The following ITGA2 variants were observed in gnomAD, a reference collection of about 807,000 sequenced individuals.
The protein encoded by ITGA2 is integrin alpha-2.
ITGA2 carries 101 observed loss-of-function variants against 146.3 expected under a neutral mutation model. The ratio of observed to expected loss-of-function variants is 0.69; its 90% CI spans 0.59 to 0.81. The LOEUF (loss-of-function observed/expected upper bound fraction) is 0.81. Ranked by LOEUF, ITGA2 falls within the 40% of genes least tolerant of loss-of-function variation. The pLI, the probability that ITGA2 is intolerant of heterozygous loss-of-function variation, is 0.00. For missense variants in ITGA2, 1,281 were observed against 1,402.7 expected, an observed-to-expected ratio of 0.91 and a Z score of 1.39; for synonymous variants, 477 against 487.1, an observed-to-expected ratio of 0.98 and a Z score of 0.27.
At chr5:53,018,742 A>G (rs1742524148) in intron 1 of ITGA2, among the ~76,000 whole-genome samples, 1 of 152,144 alleles carries the variant, frequency 6.6e-6, no homozygotes, top group Non-Finnish European at 1.5e-5. Flanking sequence ...GGTCATGTCT[A>G]AAATTAGTGA....
intron 11 of ITGA2, among the ~76,000 whole-genome samples, chr5:53,060,376 T>C (rs574256971): frequency 9.4e-4 from 143 of 152,086 alleles, no homozygotes; most frequent in Middle Eastern, 3.4e-3. Context: ...TTTTGCAGAC[T>C]TACTATGGGA....
chr5:53,060,973 C>G lies in ITGA2; in HGVS notation c.1385C>G (p.Thr462Ser). Residue 462 changes from threonine (T) to serine (S), a missense_variant, in exon 12 of 30, where the codon ACC becomes AGC. Transcript: ENST00000296585. Reference sequence around the variant, plus strand: ...GCTGGTGCTCCTCGGGCAAATTATACCGGCCAGATAGTGCTATATAGTGTG... The same window carrying G: ...GCTGGTGCTCCTCGGGCAAATTATAGCGGCCAGATAGTGCTATATAGTGTG... Reference protein sequence around the residue: ...FVAGAPRANYTGQIVLYSVNE... With the variant: ...FVAGAPRANYSGQIVLYSVNE... 1 of 1,612,350 alleles carries G rather than the reference C, an allele frequency of 6.2e-7. No individual in the cohort carries two copies. Among genetic ancestry groups the G allele is most frequent in the Non-Finnish European group, 8.5e-7 (1 of 1,178,862 alleles).
In ITGA2 at chr5:53,058,996, G is replaced by A. The variant is rs75332757; in HGVS notation, c.1174-878G>A. On this transcript the variant is annotated intron_variant, in intron 10 of 29. Transcript: ENST00000296585. The stretch of plus-strand genomic sequence containing the variant: ...CTACAGTCATTCACATAACTTCATG[G>A]TCTCTTATCCTCAAAGTAGAACACA... Among the ~76,000 whole-genome samples, 296 of 152,018 alleles carry A rather than the reference G, an allele frequency of 1.9e-3. 1 individual carries two copies. The highest frequency in any genetic ancestry group is 3.1e-3 in the Non-Finnish European group (209 of 67,906).
rs749914508 is a variant in ITGA2 at position 53,072,727 on chromosome 5, G to A, written c.2429+32G>A. ...TTTACTTTAAAGCTTGTTGTAAAAT[G>A]TAGAAATAAAAGACATACTAGATTA... On this transcript the variant is annotated intron_variant, in intron 19 of 29. Transcript: ENST00000296585. 3.9e-6 allele frequency: 6 copies of A among 1,530,664 alleles called. No homozygotes were observed. The South Asian group carries it at 5.7e-5, about 14-fold the overall frequency. The allele number at this position is 1,530,664 out of a possible 1,614,324, so 94.8% of individuals were successfully genotyped here.
At position 53,058,126 on chromosome 5, in the gene ITGA2, C is replaced by A. The variant is rs775029370; in HGVS notation, c.1173+25C>A. The stretch of plus-strand genomic sequence containing the variant: ...TGTGCGTATATCAGATAGCTTCAAG[C>A]CATGTTGTCATTTGGCATAACACTT... On this transcript the variant is annotated intron_variant, in intron 10 of 29. Coordinates refer to ENST00000296585, the MANE Select transcript of ITGA2 (RefSeq NM_002203.4). 6 of 1,553,442 alleles carry A rather than the reference C, an allele frequency of 3.9e-6. No individual in the cohort carries two copies. The East Asian group carries it at 1.1e-4, about 29-fold the overall frequency.
chr5:53,022,205 T>C (rs1742719903), intron 1 of ITGA2, among the ~76,000 whole-genome samples: 1 of 74,972 alleles, frequency 1.3e-5, no homozygotes. Flanking sequence ...TGAGTTTCAC[T>C]GCATTTTTTT....
At chr5:52,999,560 C>T (rs1377738983) in intron 1 of ITGA2, among the ~76,000 whole-genome samples, 1 of 152,048 alleles carries the variant, frequency 6.6e-6, no homozygotes, top group Non-Finnish European at 1.5e-5. Flanking sequence ...CCTTTGCCCA[C>T]CAAGACACAG....
At chr5:53,089,857 T>G in intron 28 of ITGA2, 89 bp from the exon 29 acceptor site, 1 of 819,268 alleles carries the variant, frequency 1.2e-6, no homozygotes, top group Non-Finnish European at 2.2e-6. Context: ...GCTGTAGACC[T>G]TCACTTACAG....
chr5:53,059,684 C>G (rs1322648237), intron 10 of ITGA2, among the ~76,000 whole-genome samples, 190 bp from the exon 11 acceptor site: 14 of 151,898 alleles, frequency 9.2e-5, no homozygotes, highest in Non-Finnish European at 1.8e-4. Context: ...CAAAATAACA[C>G]AGCCAATGGG....
intron 14 of ITGA2, among the ~76,000 whole-genome samples, chr5:53,065,613 A>AT (rs1166571268): frequency 1.3e-5 from 2 of 151,940 alleles, no homozygotes; most frequent in East Asian, 1.9e-4. Context: ...CTGGTTTATG[A>AT]TTTTTTATTA....
intron 1 of ITGA2, among the ~76,000 whole-genome samples, chr5:53,017,251 GA>G (rs1253850554): frequency 6.6e-6 from 1 of 152,196 alleles, no homozygotes; most frequent in Non-Finnish European, 1.5e-5. Context: ...CTACTTTTTG[GA>G]TGGGTTGTTT....
At chr5:52,993,240 C>T (rs975022244) in intron 1 of ITGA2, among the ~76,000 whole-genome samples, 4 of 152,134 alleles carry the variant, frequency 2.6e-5, no homozygotes, top group Admixed American at 1.3e-4. Context: ...GGACTTAGGC[C>T]GCCCTCTGAT....
chr5:52,997,182 G>A (rs1741309322), intron 1 of ITGA2, among the ~76,000 whole-genome samples: 1 of 152,184 alleles, frequency 6.6e-6, no homozygotes, highest in South Asian at 2.1e-4. Flanking sequence ...TGTTGGGACA[G>A]TTAATGATTT....
At chr5:53,064,345 T>A (rs1258005812) in intron 13 of ITGA2, among the ~76,000 whole-genome samples, 1 of 151,934 alleles carries the variant, frequency 6.6e-6, no homozygotes, top group Non-Finnish European at 1.5e-5. Flanking sequence ...AAGAAATGGA[T>A]GCTGTTCAGC....
At chr5:53,004,364 G>A (rs958971350) in intron 1 of ITGA2, among the ~76,000 whole-genome samples, 3 of 152,222 alleles carry the variant, frequency 2.0e-5, no homozygotes, top group African/African-American at 7.2e-5. Flanking sequence ...TGGGAAGATC[G>A]AAGGGGATTA....
intron 1 of ITGA2, among the ~76,000 whole-genome samples, chr5:52,990,521 TCAAAA>T (rs1216765114): frequency 1.3e-5 from 2 of 151,116 alleles, no homozygotes; most frequent in East Asian, 3.9e-4. Flanking sequence ...TGAACAGCGA[TCAAAA>T]CAAAACAAAA....
intron 1 of ITGA2, among the ~76,000 whole-genome samples, chr5:52,998,633 A>T (rs997763879): frequency 4.6e-5 from 7 of 152,218 alleles, no homozygotes; most frequent in Admixed American, 3.9e-4. Flanking sequence ...CAATCTTCTA[A>T]TTCAATTTAG....
At chr5:53,018,609 G>T (rs1742515695) in intron 1 of ITGA2, among the ~76,000 whole-genome samples, 1 of 151,952 alleles carries the variant, frequency 6.6e-6, no homozygotes, top group Non-Finnish European at 1.5e-5. Flanking sequence ...GGTCGGAGAG[G>T]TTTCTTCGGG....
chr5:53,008,374 A>G (rs1741961608), intron 1 of ITGA2, among the ~76,000 whole-genome samples: 1 of 149,756 alleles, frequency 6.7e-6, no homozygotes, highest in South Asian at 2.2e-4. Flanking sequence ...TTTGACCTTA[A>G]CCACTTCATT....
Sources: allele counts gnomAD v4.1 joint callset (sites outside exome capture counted in the v4.1 genomes callset), GRCh38; gene constraint gnomAD v4.1.1; transcripts MANE v1.5; gene names NCBI Gene and HGNC (gene_info 2026-07-23, HGNC 2026-07-21).